ACSL1: variants seen among roughly 807,000 people sequenced by gnomAD.
ACSL1 encodes long-chain-fatty-acid--CoA ligase 1.
A neutral mutation model predicts 98.4 loss-of-function variants in ACSL1; 41 were observed. That is an observed-to-expected ratio of 0.42 (90% CI 0.32 to 0.54). The LOEUF (loss-of-function observed/expected upper bound fraction) is 0.54, where lower values mean the gene tolerates loss of function less well. Among genes scored for constraint, ACSL1 ranks in the 20% least tolerant of loss-of-function variants. The pLI is 0.13. For missense variants in ACSL1, 734 were observed against 883.1 expected (o/e 0.83, Z 2.14); for synonymous variants, 316 against 322.7 (o/e 0.98, Z 0.22).
intron 2 of ACSL1, among the ~76,000 whole-genome samples, chr4:184,801,290 G>A (rs1261454782): frequency 1.3e-5 from 2 of 152,182 alleles, no homozygotes; most frequent in East Asian, 1.9e-4. Flanking sequence ...CAAAAAGTGC[G>A]GATTCTTCTC....
intron 12 of ACSL1, chr4:184,767,999 G>A (rs999315944): frequency 9.3e-6 from 4 of 428,232 alleles, no homozygotes; most frequent in Non-Finnish European, 1.6e-5. Context: ...TAGGAGAGAA[G>A]AGGTAAACAG....
chr4:184,820,908 G>C (rs1036682434), intron 1 of ACSL1: 2 of 410,106 alleles, frequency 4.9e-6, no homozygotes, highest in Non-Finnish European at 9.9e-6. Flanking sequence ...GGCCCTCCTG[G>C]AGTGAGAACT....
chr4:184,776,894 T>C lies in ACSL1; in HGVS notation c.567A>G (p.Ile189Met). 1 of 1,613,990 alleles carries C rather than the reference T, an allele frequency of 6.2e-7. No individual in the cohort carries two copies. The highest frequency in any genetic ancestry group is 8.5e-7 in the Non-Finnish European group (1 of 1,179,822). ...AGATCACAGACGTACCTTTGTTGACTATGTACGTGATGGCTTCATTTCCAA... is the reference window on the plus strand; with the variant it reads ...AGATCACAGACGTACCTTTGTTGACCATGTACGTGATGGCTTCATTTCCAA... ...DTLGNEAITY[I>M]VNKAELSLVF... The change falls in exon 6 of 21, where the codon ATA becomes ATG. Residue 189 changes from isoleucine (I) to methionine (M), a missense_variant. Ile to Met is a conservative substitution (Grantham distance 10). Transcript: ENST00000281455.
intron 1 of ACSL1, chr4:184,815,219 A>G: frequency 5.0e-6 from 2 of 397,694 alleles, no homozygotes; most frequent in South Asian, 3.5e-5. Flanking sequence ...GAACAGGCAG[A>G]GACAGGAGTG....
At chr4:184,802,252 A>G (rs1268221459) in intron 2 of ACSL1, among the ~76,000 whole-genome samples, 1 of 152,262 alleles carries the variant, frequency 6.6e-6, no homozygotes, top group Non-Finnish European at 1.5e-5. Context: ...AATGAATCCA[A>G]GAACTTGTCT....
chr4:184,782,045 T>C (rs1016085094), intron 4 of ACSL1, among the ~76,000 whole-genome samples: 7 of 152,190 alleles, frequency 4.6e-5, no homozygotes, highest in South Asian at 2.1e-4. Context: ...GGCACCATCC[T>C]GGCCCTGCCT....
intron 1 of ACSL1, chr4:184,805,936 T>C (rs1226837879): frequency 4.6e-5 from 7 of 151,864 alleles, no homozygotes; most frequent in Non-Finnish European, 8.8e-5. Context: ...AAATGAAGGA[T>C]AGGATGCCGG....
chr4:184,804,014 C>A (rs186840923), intron 1 of ACSL1, among the ~76,000 whole-genome samples: 1 of 152,282 alleles, frequency 6.6e-6, no homozygotes, highest in East Asian at 1.9e-4. Flanking sequence ...CTATTTCTTC[C>A]AACAGATCTC....
chr4:184,764,815 A>G lies in ACSL1; in HGVS notation c.1432+38T>C, dbSNP rs571849237. The G allele has an allele frequency of 1.9e-6, 3 of 1,572,974 alleles. No homozygotes were observed. In the South Asian group the frequency reaches 3.4e-5, roughly 18 times the overall value. On this transcript the variant is annotated intron_variant, in intron 15 of 20. Transcript: ENST00000281455. The stretch of plus-strand genomic sequence containing the variant: ...CAGACATACCAATAACCCAGTATGA[A>G]TAACAAAATTCCAAAAAGGAGCCTC...
intron 12 of ACSL1, among the ~76,000 whole-genome samples, chr4:184,767,171 A>G (rs1342763110): frequency 6.6e-6 from 1 of 151,452 alleles, no homozygotes; most frequent in East Asian, 1.9e-4. Flanking sequence ...GGTCCCAGCT[A>G]CTCAGGAGGC....
chr4:184,781,940 G>T (rs1435482319), intron 4 of ACSL1, among the ~76,000 whole-genome samples: 1 of 152,030 alleles, frequency 6.6e-6, no homozygotes, highest in Non-Finnish European at 1.5e-5. Flanking sequence ...TTCTCAGTTC[G>T]CAAATTCTCA....
chr4:184,760,115 C>T (rs1424783042), intron 18 of ACSL1, among the ~76,000 whole-genome samples: 1 of 152,134 alleles, frequency 6.6e-6, no homozygotes, highest in Non-Finnish European at 1.5e-5. Flanking sequence ...TTTATCCAAC[C>T]TCCCCTTGGT....
In ACSL1 at chr4:184,766,761, T is replaced by C. The variant is rs1763669627; in HGVS notation, c.1129-5A>G. 6.8e-6 allele frequency: 11 copies of C among 1,610,252 alleles called. No homozygotes were observed. Among genetic ancestry groups the C allele is most frequent in the Non-Finnish European group, 9.3e-6 (11 of 1,177,026 alleles). ...GGTGTTTGCTTGTCCGAAAATCTAA[T>C]GAGGCAAGACATGAGAAAGTTTTCA... is the stretch of plus-strand genomic sequence containing the variant. On this transcript the variant is annotated splice_region_variant and splice_polypyrimidine_tract_variant and intron_variant, in intron 12 of 20. Coordinates refer to ENST00000281455, the MANE Select transcript of ACSL1 (RefSeq NM_001995.5). The surrounding 1 kb of genome is among the most constrained non-coding windows in gnomAD (Gnocchi z 4.8).
chr4:184,786,226 G>A (rs1767281439), intron 3 of ACSL1, among the ~76,000 whole-genome samples: 1 of 152,126 alleles, frequency 6.6e-6, no homozygotes, highest in African/African-American at 2.4e-5. Flanking sequence ...TAAGAAGCGT[G>A]GTCTTTATTT....
chr4:184,794,287 TGATATATTACACTAG>T (rs938114462), intron 2 of ACSL1, among the ~76,000 whole-genome samples: 4 of 152,236 alleles, frequency 2.6e-5, no homozygotes, highest in African/African-American at 9.6e-5. Flanking sequence ...ACTACATCTT[TGATATATTACACTAG>T]GTCTTTTAAA....
chr4:184,810,151 C>T (rs778444967), intron 1 of ACSL1, among the ~76,000 whole-genome samples: 8 of 152,222 alleles, frequency 5.3e-5, no homozygotes, highest in Non-Finnish European at 1.2e-4. Flanking sequence ...GCACTTTTTA[C>T]AGTAACAACC....
At chr4:184,797,545 A>G (rs1278976109) in intron 2 of ACSL1, among the ~76,000 whole-genome samples, 1 of 152,160 alleles carries the variant, frequency 6.6e-6, no homozygotes, top group Non-Finnish European at 1.5e-5. Context: ...TGACACTGAG[A>G]AGGCCTCTGG....
chr4:184,803,000 G>C (rs921150607), intron 2 of ACSL1, among the ~76,000 whole-genome samples: 4 of 152,126 alleles, frequency 2.6e-5, no homozygotes, highest in African/African-American at 4.8e-5. Flanking sequence ...GAGAACAGGG[G>C]TTCTGTGCTA....
At chr4:184,809,053 T>C (rs528128128) in intron 1 of ACSL1, among the ~76,000 whole-genome samples, 14 of 152,306 alleles carry the variant, frequency 9.2e-5, no homozygotes, top group South Asian at 6.2e-4. Context: ...TTAAGTATAA[T>C]AAATCTTAAA....
Sources: allele counts gnomAD v4.1 joint callset (sites outside exome capture counted in the v4.1 genomes callset), GRCh38; gene constraint gnomAD v4.1.1; non-coding constraint Gnocchi (gnomAD v3.1); transcripts MANE v1.5; gene names NCBI Gene and HGNC (gene_info 2026-07-23, HGNC 2026-07-21).